CBLB: variants seen among roughly 807,000 people sequenced by gnomAD.
The protein encoded by CBLB is E3 ubiquitin-protein ligase CBL-B.
Under a neutral mutation model 104.9 loss-of-function variants are expected in CBLB, and 31 were observed. The ratio of observed to expected loss-of-function variants is 0.30; its 90% confidence interval spans 0.22 to 0.40. The LOEUF is 0.40. Ranked by LOEUF, CBLB falls within the 10% of genes least tolerant of loss-of-function variation. The probability of loss-of-function intolerance (pLI) is 1.00; values close to 1 mark genes in which losing one functional copy is unlikely to be tolerated. For missense variants in CBLB, 1,062 were observed against 1,214.6 expected (o/e 0.87, Z 1.87); for synonymous variants, 440 against 422.6 (o/e 1.04, Z -0.51).
At position 105,680,808 on chromosome 3, in the gene CBLB, C is replaced by T. The variant is rs998598824; in HGVS notation, c.2428+671G>A. 4.6e-5 allele frequency among the ~76,000 whole-genome samples: 7 copies of T among 152,302 alleles called. 1 individual carries two copies. The highest frequency in any genetic ancestry group is 1.7e-4 in the African/African-American group (7 of 41,570). On this transcript the variant is annotated intron_variant, in intron 16 of 18. Transcript: ENST00000394030. ...TGAAGCGTTATGTAAGGTGTGCAGA[C>T]ATTCTGTCTTCTAAAAACAGGGTGA... is the stretch of plus-strand genomic sequence containing the variant.
At chr3:105,741,645 T>C (rs879609957) in intron 6 of CBLB, among the ~76,000 whole-genome samples, 4 of 152,186 alleles carry the variant, frequency 2.6e-5, no homozygotes, top group Non-Finnish European at 4.4e-5. Flanking sequence ...TCTGCCCGCC[T>C]TGGCCTCCCA....
At chr3:105,729,248 T>C (rs1461281547) in intron 9 of CBLB, among the ~76,000 whole-genome samples, 2 of 152,136 alleles carry the variant, frequency 1.3e-5, no homozygotes, top group Admixed American at 6.5e-5. Flanking sequence ...TGCCCCTTAA[T>C]AGAAATTTCA....
At chr3:105,852,146 C>G (rs534733687) in intron 3 of CBLB, among the ~76,000 whole-genome samples, 97 of 152,196 alleles carry the variant, frequency 6.4e-4, no homozygotes, top group Non-Finnish European at 1.1e-3. Context: ...GTAAAAGGGC[C>G]TCAGGCAGGC....
Position 105,775,059 on chromosome 3 carries a change from T to C in CBLB, c.566+1337A>G, listed in dbSNP as rs534192045. On this transcript the variant is annotated intron_variant, in intron 4 of 18. Coordinates refer to ENST00000394030, the MANE Select transcript of CBLB (RefSeq NM_170662.5). The stretch of plus-strand genomic sequence containing the variant: ...TATTTAATTAGTATAGTCTTAGCTG[T>C]CTGTGTTATTCTAATTCAGATAAGG... 5.9e-5 allele frequency among the ~76,000 whole-genome samples: 9 copies of C among 152,294 alleles called. 1 individual carries two copies. The South Asian group carries it at 1.9e-3, about 32-fold the overall frequency.
Position 105,703,873 on chromosome 3 carries a change from A to G in CBLB, c.1593+115T>C. 6.6e-6 allele frequency: 6 copies of G among 903,222 alleles called. No homozygotes were observed. In the South Asian group the frequency reaches 9.1e-5, roughly 14 times the overall value. The allele number at this position is 903,222 out of a possible 1,614,324, so 56.0% of individuals were successfully genotyped here. ...CCATAAACTAAACGAGAAACTCATC[A>G]AACTTATTCACAATTAAAAGCAAAA... On this transcript the variant is annotated intron_variant, in intron 11 of 18. Transcript: ENST00000394030.
intron 3 of CBLB, among the ~76,000 whole-genome samples, chr3:105,827,026 T>C (rs2086685366): frequency 4.6e-5 from 7 of 152,152 alleles, no homozygotes; most frequent in Admixed American, 3.9e-4. Flanking sequence ...CAGCCACAAA[T>C]ACAGGGCTTT....
At chr3:105,751,406 G>A (rs1287122246) in intron 5 of CBLB, 56 bp downstream of exon 5, 24 of 1,252,450 alleles carry the variant, frequency 1.9e-5, no homozygotes, top group Non-Finnish European at 1.0e-5. Flanking sequence ...GAAACAGAGA[G>A]AAAAGACAGG....
chr3:105,838,703 G>A (rs1416696811), intron 3 of CBLB, among the ~76,000 whole-genome samples: 3 of 147,730 alleles, frequency 2.0e-5, no homozygotes, highest in African/African-American at 7.5e-5. Context: ...AGGCTGGAGT[G>A]TAGTAGTGTG....
At chr3:105,669,892 A>T (rs1297899193) in intron 18 of CBLB, among the ~76,000 whole-genome samples, 2 of 152,112 alleles carry the variant, frequency 1.3e-5, no homozygotes, top group Non-Finnish European at 2.9e-5. Flanking sequence ...TTCCATAGAG[A>T]TTGCTATAAA....
intron 7 of CBLB, among the ~76,000 whole-genome samples, chr3:105,738,202 A>C (rs751490357): frequency 4.6e-5 from 7 of 152,148 alleles, no homozygotes; most frequent in African/African-American, 9.6e-5. Context: ...TTAAAGGGTA[A>C]AACTATAACA....
Position 105,847,504 on chromosome 3 carries a change from G to T in CBLB, c.419+5910C>A, listed in dbSNP as rs375628061. On this transcript the variant is annotated intron_variant, in intron 3 of 18. Coordinates refer to ENST00000394030, the MANE Select transcript of CBLB (RefSeq NM_170662.5). ...TCAAAGGCTCTGAAATGACATTAAT[G>T]TTAATGTTAAGGCAACATCTATGTT... 1.8e-4 allele frequency among the ~76,000 whole-genome samples: 27 copies of T among 151,712 alleles called. No individual in the cohort carries two copies. In the South Asian group the frequency reaches 5.4e-3, roughly 30 times the overall value.
intron 3 of CBLB, among the ~76,000 whole-genome samples, chr3:105,825,398 G>A (rs2086438802): frequency 6.6e-6 from 1 of 152,122 alleles, no homozygotes; most frequent in Admixed American, 6.5e-5. Flanking sequence ...AGAGAAGGGG[G>A]GAAAGGAAGC....
intron 8 of CBLB, among the ~76,000 whole-genome samples, chr3:105,734,942 C>A (rs2152862384): frequency 6.6e-6 from 1 of 151,450 alleles, no homozygotes; most frequent in Non-Finnish European, 1.5e-5. Context: ...ATCTTCGTGA[C>A]AAAAATACAA....
intron 3 of CBLB, among the ~76,000 whole-genome samples, chr3:105,817,432 A>C (rs906758250): frequency 6.6e-6 from 1 of 152,172 alleles, no homozygotes; most frequent in Non-Finnish European, 1.5e-5. Context: ...GGTGACTTGA[A>C]GCTTGAGGAC....
upstream of CBLB, chr3:105,869,108 A>G (rs1578059401): frequency 1.1e-6 from 1 of 916,840 alleles, no homozygotes; most frequent in Non-Finnish European, 1.4e-6. Flanking sequence ...GCAACCGCGC[A>G]CTGCCCGACA....
chr3:105,734,189 C>A, intron 8 of CBLB, 49 bp from the exon 9 acceptor site: 1 of 1,592,814 alleles, frequency 6.3e-7, no homozygotes, highest in East Asian at 2.2e-5. Flanking sequence ...ATTTCCAGCA[C>A]AAATTGTTAG....
chr3:105,869,251 A>C, upstream of CBLB: 2 of 720,466 alleles, frequency 2.8e-6, no homozygotes, highest in South Asian at 1.4e-5. Flanking sequence ...ACTCGGAGAG[A>C]AATGAGGGGC....
chr3:105,720,269 C>A lies in CBLB; in HGVS notation c.1204-19G>T. On this transcript the variant is annotated intron_variant, in intron 9 of 18. Transcript: ENST00000394030. Reference sequence around the variant, plus strand: ...CCGACTCCTAAACAAATAGAAAATGCATGGATTGGTTTTGTTCAAAATAAA... The same window carrying A: ...CCGACTCCTAAACAAATAGAAAATGAATGGATTGGTTTTGTTCAAAATAAA... The A allele has an allele frequency of 6.3e-7, 1 of 1,595,110 alleles. No homozygotes were observed. The highest frequency in any genetic ancestry group is 8.6e-7 in the Non-Finnish European group (1 of 1,166,278).
intron 5 of CBLB, among the ~76,000 whole-genome samples, chr3:105,748,667 G>A (rs555921023): frequency 5.3e-5 from 8 of 152,218 alleles, no homozygotes; most frequent in Non-Finnish European, 1.2e-4. Flanking sequence ...AAAGAAGGAA[G>A]AAGAGGAAAT....
Sources: gnomAD v4.1 joint callset for allele counts (sites outside exome capture counted in the v4.1 genomes callset) on GRCh38, gnomAD v4.1.1 for gene constraint, MANE v1.5 for transcripts, NCBI Gene and HGNC (gene_info 2026-07-23, HGNC 2026-07-21) for gene names.